The following FYN variants were observed in gnomAD, a reference collection of about 807,000 sequenced individuals.
FYN encodes FYN proto-oncogene, Src family tyrosine kinase.
A neutral mutation model predicts 70.2 loss-of-function variants in FYN; 10 were observed. The ratio of observed to expected loss-of-function variants is 0.14; its 90% confidence interval spans 0.09 to 0.24. The LOEUF is 0.24. FYN is among the 10% of genes least tolerant of loss of function. The pLI, the probability that FYN is intolerant of heterozygous loss-of-function variation, is 1.00. For missense variants in FYN, 319 were observed against 673.1 expected, an observed-to-expected ratio of 0.47 and a Z score of 5.82; for synonymous variants, 236 against 248.6, an observed-to-expected ratio of 0.95 and a Z score of 0.48.
At chr6:111,787,843 A>C (rs1414075742) in intron 2 of FYN, among the ~76,000 whole-genome samples, 1 of 152,218 alleles carries the variant, frequency 6.6e-6, no homozygotes, top group Non-Finnish European at 1.5e-5. Context: ...AGCTCCCAGG[A>C]AACTCAGGGC....
chr6:111,676,177 T>C (rs1252323616), intron 12 of FYN, among the ~76,000 whole-genome samples: 3 of 152,222 alleles, frequency 2.0e-5, no homozygotes, highest in African/African-American at 7.2e-5. Flanking sequence ...TTGTCTTAAA[T>C]ACAGCATATG....
chr6:111,684,315 T>C (rs1264430645), intron 12 of FYN, among the ~76,000 whole-genome samples: 2 of 152,040 alleles, frequency 1.3e-5, no homozygotes, highest in Non-Finnish European at 2.9e-5. Flanking sequence ...GTGGAATCCA[T>C]GGAAGGAATA....
At chr6:111,765,156 A>C (rs1803180486) in intron 3 of FYN, among the ~76,000 whole-genome samples, 1 of 152,080 alleles carries the variant, frequency 6.6e-6, no homozygotes, top group Non-Finnish European at 1.5e-5. Context: ...GTGTGTGCAC[A>C]CATGAGCACA....
At chr6:111,808,392 G>A (rs910057811) in intron 2 of FYN, among the ~76,000 whole-genome samples, 2 of 152,214 alleles carry the variant, frequency 1.3e-5, no homozygotes. Flanking sequence ...GAAGGGGCAA[G>A]GTGAGGAAGC....
At chr6:111,850,676 A>G (rs1773660346) in intron 1 of FYN, among the ~76,000 whole-genome samples, 1 of 152,226 alleles carries the variant, frequency 6.6e-6, no homozygotes, top group Non-Finnish European at 1.5e-5. Flanking sequence ...AAGCTCCTCA[A>G]TGCTCTCTGG....
intron 1 of FYN, among the ~76,000 whole-genome samples, chr6:111,850,431 T>C (rs912326693): frequency 2.0e-5 from 3 of 152,192 alleles, no homozygotes; most frequent in African/African-American, 7.2e-5. Flanking sequence ...CCAATGATCA[T>C]AGCTCTATTC....
intron 4 of FYN, among the ~76,000 whole-genome samples, chr6:111,715,805 T>C (rs1487357242): frequency 6.6e-6 from 1 of 152,214 alleles, no homozygotes; most frequent in African/African-American, 2.4e-5. Context: ...CATTCGCAGA[T>C]TCCTGACCCA....
chr6:111,692,938 C>T (rs1799402691), intron 12 of FYN, among the ~76,000 whole-genome samples: 1 of 152,214 alleles, frequency 6.6e-6, no homozygotes, highest in Non-Finnish European at 1.5e-5. Flanking sequence ...TACAGCATGC[C>T]ATCTGGCCCA....
intron 9 of FYN, 142 bp downstream of exon 9, chr6:111,699,962 A>G (rs1799758937): frequency 1.4e-6 from 1 of 706,084 alleles, no homozygotes; most frequent in Non-Finnish European, 2.1e-6. Flanking sequence ...TGTTAAAACC[A>G]AAACTGAAAT....
intron 1 of FYN, among the ~76,000 whole-genome samples, chr6:111,863,101 A>C (rs1311807075): frequency 6.6e-6 from 1 of 152,208 alleles, no homozygotes; most frequent in Non-Finnish European, 1.5e-5. Flanking sequence ...TAGTAAAGGG[A>C]CAGGATCCAA....
chr6:111,841,567 G>A (rs1421252990), intron 2 of FYN, among the ~76,000 whole-genome samples: 1 of 152,148 alleles, frequency 6.6e-6, no homozygotes, highest in Non-Finnish European at 1.5e-5. Context: ...TGGGGCAACC[G>A]AATAAGATAA....
intron 2 of FYN, among the ~76,000 whole-genome samples, chr6:111,820,309 C>A (rs948078294): frequency 3.3e-5 from 5 of 152,068 alleles, no homozygotes; most frequent in African/African-American, 1.2e-4. Flanking sequence ...GAATTGCATA[C>A]AAAATACTGT....
At chr6:111,662,141 T>A (rs1233962097) in intron 13 of FYN, among the ~76,000 whole-genome samples, 194 bp from the exon 14 acceptor site, 1 of 152,004 alleles carries the variant, frequency 6.6e-6, no homozygotes, top group Non-Finnish European at 1.5e-5. Context: ...ACATGAAAAA[T>A]TCAGAATGAC....
intron 1 of FYN, among the ~76,000 whole-genome samples, chr6:111,871,932 G>A (rs1774285673): frequency 1.3e-5 from 2 of 152,200 alleles, no homozygotes; most frequent in African/African-American, 4.8e-5. Context: ...TGGTAAATGT[G>A]GCAGGAAAGA....
chr6:111,698,592 G>T (rs1285142818), intron 9 of FYN, among the ~76,000 whole-genome samples: 2 of 152,060 alleles, frequency 1.3e-5, no homozygotes, highest in Admixed American at 1.3e-4. Context: ...TTTGAGTGGG[G>T]CCTAAACCCA....
chr6:111,866,769 C>T (rs1367083055), intron 1 of FYN, among the ~76,000 whole-genome samples: 1 of 152,220 alleles, frequency 6.6e-6, no homozygotes, highest in East Asian at 1.9e-4. Flanking sequence ...GTAAAATGAA[C>T]ATGTTGACTA....
At chr6:111,689,216 G>C (rs1226302162) in intron 12 of FYN, among the ~76,000 whole-genome samples, 5 of 152,134 alleles carry the variant, frequency 3.3e-5, no homozygotes, top group Non-Finnish European at 7.3e-5. Flanking sequence ...TAAGTAACTG[G>C]CCTGCGGACA....
chr6:111,822,327 G>T (rs987954435), intron 2 of FYN, among the ~76,000 whole-genome samples: 2 of 152,176 alleles, frequency 1.3e-5, no homozygotes, highest in Non-Finnish European at 2.9e-5. Context: ...CATGTCCTTT[G>T]TAGGGACATG....
At chr6:111,703,146 G>T in intron 7 of FYN, 112 bp from the exon 8 acceptor site, 2 of 889,452 alleles carry the variant, frequency 2.2e-6, no homozygotes, top group African/African-American at 1.7e-5. Flanking sequence ...ACACACACAT[G>T]TACACACACA....
Sources: allele counts gnomAD v4.1 joint callset (sites outside exome capture counted in the v4.1 genomes callset), GRCh38; gene constraint gnomAD v4.1.1; transcripts MANE v1.5; gene names NCBI Gene and HGNC (gene_info 2026-07-23, HGNC 2026-07-21).